The following CCSER1 variants were observed in gnomAD, a reference collection of about 807,000 sequenced individuals.
CCSER1 encodes coiled-coil serine rich protein 1, also known as serine-rich coiled-coil domain-containing protein 1.
In CCSER1, 41 loss-of-function variants were observed where a neutral mutation model predicts 82.0. The observed-to-expected ratio is 0.50, with a 90% CI of 0.39 to 0.65. The LOEUF (loss-of-function observed/expected upper bound fraction) is 0.65. Ranked by LOEUF, CCSER1 falls within the 30% of genes least tolerant of loss-of-function variation. The pLI, the probability that CCSER1 is intolerant of heterozygous loss-of-function variation, is 0.00. For synonymous variants in CCSER1, 414 were observed against 383.9 expected (o/e 1.08, Z -0.92); for missense variants, 1,119 against 1,064.2 (o/e 1.05, Z -0.72).
rs372422947 is a variant in CCSER1 at position 90,383,459 on chromosome 4, T to C, written c.1510-16577T>C. 2.0e-5 allele frequency among the ~76,000 whole-genome samples: 3 copies of C among 152,172 alleles called. No homozygotes were observed. In the East Asian group the frequency reaches 5.8e-4, roughly 29 times the overall value. On this transcript the variant is annotated intron_variant, in intron 3 of 10. Transcript: ENST00000509176. ...AATGGTAGCATAACTGTTTGGGAAG[T>C]CATAAGGAAAGAAGTCAAGACTTCT... is the stretch of plus-strand genomic sequence containing the variant.
At chr4:91,573,957 A>C (rs1276073852) in intron 10 of CCSER1, among the ~76,000 whole-genome samples, 1 of 152,144 alleles carries the variant, frequency 6.6e-6, no homozygotes, top group African/African-American at 2.4e-5. Context: ...TTAACCAAGG[A>C]GGTGAAAGAT....
chr4:90,856,848 GA>G (rs1366861468), intron 8 of CCSER1, among the ~76,000 whole-genome samples: 1 of 151,792 alleles, frequency 6.6e-6, no homozygotes, highest in East Asian at 1.9e-4. Context: ...TTATCAGTGT[GA>G]ACTTCCAAAT....
Position 91,497,749 on chromosome 4 carries a change from T to C in CCSER1, c.2218-100823T>C, listed in dbSNP as rs534246834. Among the ~76,000 whole-genome samples the C allele has an allele frequency of 2.6e-4, 39 of 151,898 alleles. 1 individual carries two copies. The highest frequency in any genetic ancestry group is 4.4e-4 in the Non-Finnish European group (30 of 67,854). On this transcript the variant is annotated intron_variant, in intron 10 of 10. Transcript: ENST00000509176. ...TTTTTAAAAAGACAAAACAGATGTA[T>C]AGTATTCACTATTATATCAATCTTT...
chr4:91,107,741 G>T (rs1343931053), intron 10 of CCSER1, among the ~76,000 whole-genome samples: 1 of 149,770 alleles, frequency 6.7e-6, no homozygotes, highest in Non-Finnish European at 1.5e-5. Context: ...TATAATAGAA[G>T]ATTCTCATGA....
chr4:90,430,882 T>A (rs1332826818), intron 4 of CCSER1, among the ~76,000 whole-genome samples: 1 of 151,950 alleles, frequency 6.6e-6, no homozygotes, highest in Non-Finnish European at 1.5e-5. Context: ...ATGCTCAAAT[T>A]TTAATAATTT....
intron 6 of CCSER1, among the ~76,000 whole-genome samples, chr4:90,707,634 C>T (rs1166821927): frequency 6.6e-6 from 1 of 151,984 alleles, no homozygotes; most frequent in Admixed American, 6.6e-5. Context: ...CTGTTATAAT[C>T]ACTTTGGAGT....
In CCSER1 at chr4:90,400,018, G is replaced by C; in HGVS notation, c.1510-18G>C. On this transcript the variant is annotated intron_variant, in intron 3 of 10. Coordinates refer to ENST00000509176, the MANE Select transcript of CCSER1 (RefSeq NM_001145065.2). ...TCAGTGTTTTGGTTTCTAATTGTTG[G>C]TTTTGATTTTTCTTCAGGATGTTTT... 1 of 1,492,090 alleles carries C rather than the reference G, an allele frequency of 6.7e-7. No homozygotes were observed. The highest frequency in any genetic ancestry group is 9.3e-7 in the Non-Finnish European group (1 of 1,073,146). 92.4% of individuals were successfully genotyped at this position (1,492,090 alleles called of 1,614,324 possible).
At chr4:91,486,287 G>T (rs1276545538) in intron 10 of CCSER1, among the ~76,000 whole-genome samples, 1 of 151,874 alleles carries the variant, frequency 6.6e-6, no homozygotes, top group Non-Finnish European at 1.5e-5. Context: ...ATAATTTGAT[G>T]ATCTTTCTCC....
At chr4:91,162,178 A>G (rs1484102164) in intron 10 of CCSER1, among the ~76,000 whole-genome samples, 2 of 152,068 alleles carry the variant, frequency 1.3e-5, no homozygotes, top group Non-Finnish European at 2.9e-5. Context: ...TTCTGCATCT[A>G]CTGAGATAAT....
chr4:91,363,128 A>G lies in CCSER1; in HGVS notation c.2218-235444A>G, dbSNP rs951261972. The stretch of plus-strand genomic sequence containing the variant: ...CATTCGTGAGTCATTTCCTCAAAAA[A>G]CAAAAAACAAAAACAAAACAAACAA... On this transcript the variant is annotated intron_variant, in intron 10 of 10. Transcript: ENST00000509176. Among the ~76,000 whole-genome samples the G allele has an allele frequency of 3.3e-5, 5 of 151,854 alleles. No individual in the cohort carries two copies. The East Asian group carries it at 9.7e-4, about 29-fold the overall frequency.
chr4:91,049,440 A>G (rs1436246980), intron 9 of CCSER1, among the ~76,000 whole-genome samples: 1 of 152,246 alleles, frequency 6.6e-6, no homozygotes, highest in Middle Eastern at 3.2e-3. Context: ...ATTCAAGTCC[A>G]GAGCCTCAAT....
At chr4:91,280,339 G>A (rs571034751) in intron 10 of CCSER1, among the ~76,000 whole-genome samples, 16 of 152,340 alleles carry the variant, frequency 1.1e-4, no homozygotes, top group Non-Finnish European at 1.5e-4. Flanking sequence ...AGCAGTAGCA[G>A]TGGTGAGACA....
At chr4:90,404,246 C>T (rs1753369530) in intron 4 of CCSER1, 1 of 152,152 alleles carries the variant, frequency 6.6e-6, no homozygotes, top group Non-Finnish European at 1.5e-5. Flanking sequence ...GCCATAATCC[C>T]CCTGGGAATA....
chr4:90,341,356 A>G (rs1741351136), intron 3 of CCSER1, among the ~76,000 whole-genome samples: 1 of 152,120 alleles, frequency 6.6e-6, no homozygotes, highest in South Asian at 2.1e-4. Context: ...TAACTTGACA[A>G]TGTTTAGATG....
rs962311212 is a variant in CCSER1, at chr4:91,485,972, A to T, written c.2218-112600A>T. 4.6e-5 allele frequency among the ~76,000 whole-genome samples: 7 copies of T among 152,228 alleles called. No homozygotes were observed. In the East Asian group the frequency reaches 1.2e-3, roughly 25 times the overall value. Reference sequence around the variant, plus strand: ...CTCAGTATGTAGGAAAATATAGTTCATGAAAATTGGAACTTAAAACAAGTT... The same window carrying T: ...CTCAGTATGTAGGAAAATATAGTTCTTGAAAATTGGAACTTAAAACAAGTT... On this transcript the variant is annotated intron_variant, in intron 10 of 10. Coordinates refer to ENST00000509176, the MANE Select transcript of CCSER1 (RefSeq NM_001145065.2).
At chr4:90,286,975 G>A (rs1730020789) in intron 1 of CCSER1, among the ~76,000 whole-genome samples, 1 of 151,952 alleles carries the variant, frequency 6.6e-6, no homozygotes. Flanking sequence ...ATAATGTAGT[G>A]TGATTAGACA....
intron 10 of CCSER1, among the ~76,000 whole-genome samples, chr4:91,503,402 G>T (rs1759323720): frequency 6.6e-6 from 1 of 151,548 alleles, no homozygotes; most frequent in South Asian, 2.1e-4. Context: ...ATGTGCTGTA[G>T]AAAGGGAAAT....
chr4:90,594,344 T>C (rs570041953), intron 5 of CCSER1, among the ~76,000 whole-genome samples: 1 of 152,264 alleles, frequency 6.6e-6, no homozygotes, highest in East Asian at 1.9e-4. Context: ...CTTTGCTTCT[T>C]GCCACTCATA....
At chr4:90,392,065 C>T (rs1457320402) in intron 3 of CCSER1, among the ~76,000 whole-genome samples, 1 of 151,882 alleles carries the variant, frequency 6.6e-6, no homozygotes, top group Non-Finnish European at 1.5e-5. Context: ...TCTACTTTGT[C>T]ATGAGAGTAG....
Sources: allele counts gnomAD v4.1 joint callset (sites outside exome capture counted in the v4.1 genomes callset), GRCh38; gene constraint gnomAD v4.1.1; transcripts MANE v1.5; gene names NCBI Gene and HGNC (gene_info 2026-07-23, HGNC 2026-07-21).